Variants in TRABD2A observed in about 807,000 individuals in gnomAD.
TRABD2A encodes TraB domain containing 2A.
In TRABD2A, 43 loss-of-function variants were observed where a neutral mutation model predicts 45.6. The ratio of observed to expected loss-of-function variants is 0.94; its 90% CI spans 0.74 to 1.22. The LOEUF is 1.22. TRABD2A is among the 50% of genes most tolerant of loss of function. The pLI, the probability that TRABD2A is intolerant of heterozygous loss-of-function variation, is 0.00. For missense variants in TRABD2A, 642 were observed against 652.4 expected, an observed-to-expected ratio of 0.98 and a Z score of 0.17; for synonymous variants, 269 against 265.0, an observed-to-expected ratio of 1.02 and a Z score of -0.15.
At chr2:84,869,255 A>G (rs535499657) in intron 2 of TRABD2A, among the ~76,000 whole-genome samples, 11 of 152,346 alleles carry the variant, frequency 7.2e-5, no homozygotes, top group African/African-American at 2.4e-4. Context: ...ACGTGACCCA[A>G]TGAGAACATT....
intron 6 of TRABD2A, among the ~76,000 whole-genome samples, 169 bp downstream of exon 6, chr2:84,823,784 T>C (rs1299610078): frequency 6.6e-6 from 1 of 152,166 alleles, no homozygotes; most frequent in Non-Finnish European, 1.5e-5. Flanking sequence ...ATCTTAAATC[T>C]GGATTCGCTT....
chr2:84,825,708 A>C (rs1681126906), intron 5 of TRABD2A, among the ~76,000 whole-genome samples: 1 of 152,114 alleles, frequency 6.6e-6, no homozygotes, highest in South Asian at 2.1e-4. Flanking sequence ...CAAGCCATGG[A>C]CTAGCACTAG....
At chr2:84,825,508 T>C (rs1157045687) in intron 5 of TRABD2A, among the ~76,000 whole-genome samples, 1 of 152,244 alleles carries the variant, frequency 6.6e-6, no homozygotes, top group Non-Finnish European at 1.5e-5. Flanking sequence ...AGAAGGTTCC[T>C]GGAGGACAGG....
In TRABD2A at chr2:84,870,266, C is replaced by A; in HGVS notation, c.628G>T (p.Glu210Ter). The change falls in exon 2 of 7, where the codon GAA becomes TAA. Residue 210 changes from glutamate (E) to a stop codon, truncating the protein, a stop_gained. Coordinates refer to ENST00000409520, the MANE Select transcript of TRABD2A (RefSeq NM_001277053.2). LOFTEE classifies it high-confidence loss of function. ...RKQTGAVEKV[E>*]EQCHPLNGLN... ...CCATTCAATGGATGGCACTGCTCTT[C>A]CACCTTTTCCACTGCCCCAGTCTGT... 2 of 1,613,932 alleles carry A rather than the reference C, an allele frequency of 1.2e-6. No individual in the cohort carries two copies. Among genetic ancestry groups the A allele is most frequent in the Non-Finnish European group, 1.7e-6 (2 of 1,179,840 alleles).
rs1026478466 is a variant in TRABD2A at position 84,830,347 on chromosome 2, G to A, written c.1082+1708C>T. ...GAAGTAGCGTCAGTAAAGGAGAGGC[G>A]GGGACGGGATGGAGGCTCTTCTGAA... On this transcript the variant is annotated intron_variant, in intron 5 of 6. Transcript: ENST00000409520. The surrounding 1 kb of genome is among the most constrained non-coding windows in gnomAD (Gnocchi z 4.9). Among the ~76,000 whole-genome samples, 9 of 152,164 alleles carry A rather than the reference G, an allele frequency of 5.9e-5. No individual in the cohort carries two copies. The highest frequency in any genetic ancestry group is 2.2e-4 in the African/African-American group (9 of 41,436).
Position 84,824,012 on chromosome 2 carries a change from C to A in TRABD2A, c.1275G>T (p.Arg425=). ...AEQRFRKKRR[R]SQRRPRLRQF... ...GCCGGAGTCGCGGCCTCCGCTGTGA[C>A]CGCCTCCGCTTCTTCCGGAACCTCT... is the stretch of plus-strand genomic sequence containing the variant. Residue 425 remains arginine (R), a synonymous_variant, in exon 6 of 7, where the codon CGG becomes CGT. Transcript: ENST00000409520. 1 of 1,613,802 alleles carries A rather than the reference C, an allele frequency of 6.2e-7. No homozygotes were observed. The highest frequency in any genetic ancestry group is 2.2e-5 in the East Asian group (1 of 44,870).
intron 2 of TRABD2A, among the ~76,000 whole-genome samples, chr2:84,853,923 G>A (rs1682183027): frequency 6.6e-6 from 1 of 152,248 alleles, no homozygotes. Context: ...GGGAGGCTGA[G>A]GCAGAAGAAT....
intron 2 of TRABD2A, among the ~76,000 whole-genome samples, chr2:84,867,592 A>C (rs938254323): frequency 6.6e-6 from 1 of 152,224 alleles, no homozygotes; most frequent in African/African-American, 2.4e-5. Flanking sequence ...AATGGGATCT[A>C]ATTAAACTAA....
At chr2:84,833,906 G>C (rs1260985049) in intron 4 of TRABD2A, 3 of 152,372 alleles carry the variant, frequency 2.0e-5, no homozygotes. Flanking sequence ...CCCACCACGA[G>C]GGCCCACCCA....
Position 84,881,072 on chromosome 2 carries a change from G to C in TRABD2A, c.-33C>G. ...AAGGCGGCTCCGAGGCCCGGAACGC[G>C]GAGGGAAGGAGTAGGGCAGAGGTGG... is the stretch of plus-strand genomic sequence containing the variant. On this transcript the variant is annotated 5_prime_UTR_variant, in exon 1 of 7. Coordinates refer to ENST00000409520, the MANE Select transcript of TRABD2A (RefSeq NM_001277053.2). 6.4e-7 allele frequency: 1 copy of C among 1,552,082 alleles called. No homozygotes were observed. The highest frequency in any genetic ancestry group is 8.7e-7 in the Non-Finnish European group (1 of 1,150,532).
At chr2:84,853,089 T>C (rs1682154601) in intron 2 of TRABD2A, among the ~76,000 whole-genome samples, 1 of 151,612 alleles carries the variant, frequency 6.6e-6, no homozygotes, top group Non-Finnish European at 1.5e-5. Flanking sequence ...TATATTTAAG[T>C]TAAGATCATT....
chr2:84,864,533 CAGG>C (rs1163329630), intron 2 of TRABD2A, among the ~76,000 whole-genome samples: 2 of 152,116 alleles, frequency 1.3e-5, no homozygotes, highest in South Asian at 2.1e-4. Flanking sequence ...GGATTAGAAA[CAGG>C]AGATCTGAGA....
intron 5 of TRABD2A, among the ~76,000 whole-genome samples, chr2:84,831,204 A>G (rs1010938182): frequency 1.5e-4 from 22 of 151,218 alleles, no homozygotes; most frequent in Middle Eastern, 3.4e-3. Flanking sequence ...GAAAAAAAAA[A>G]TGCCATGTGC....
At chr2:84,861,878 T>G (rs1559095182) in intron 2 of TRABD2A, among the ~76,000 whole-genome samples, 1 of 152,254 alleles carries the variant, frequency 6.6e-6, no homozygotes, top group African/African-American at 2.4e-5. Flanking sequence ...CCTGTTAGGA[T>G]TCCTCATTTT....
At chr2:84,823,430 C>A (rs1209334200) in intron 6 of TRABD2A, among the ~76,000 whole-genome samples, 2 of 152,156 alleles carry the variant, frequency 1.3e-5, no homozygotes, top group Non-Finnish European at 2.9e-5. Context: ...ATTCCTGCTC[C>A]CAGCCTCTCT....
At chr2:84,831,912 A>G in intron 5 of TRABD2A, 143 bp downstream of exon 5, 1 of 788,778 alleles carries the variant, frequency 1.3e-6, no homozygotes, top group Non-Finnish European at 2.1e-6. Flanking sequence ...GCTGGTGCCA[A>G]ATGTCCATGT....
intron 6 of TRABD2A, among the ~76,000 whole-genome samples, chr2:84,823,549 C>G (rs1317395916): frequency 6.6e-6 from 1 of 152,158 alleles, no homozygotes; most frequent in Admixed American, 6.5e-5. Flanking sequence ...GGGTCACGAC[C>G]CTTCCCTTAC....
At position 84,839,162 on chromosome 2, in the gene TRABD2A, AAAG is replaced by A; in HGVS notation, c.975_977del (p.Phe326del). Reference sequence around the variant, plus strand: ...CCCACTACTCACCAGCTCCAAAGGCAAAGAAGAAGCCTTTGTCAGGGAACTCCT... The same window carrying A: ...CCCACTACTCACCAGCTCCAAAGGCAAAGAAGCCTTTGTCAGGGAACTCCT... On this transcript the variant is annotated inframe_deletion, in exon 4 of 7. Transcript: ENST00000409520. 3.7e-6 allele frequency: 6 copies of A among 1,613,932 alleles called. No individual in the cohort carries two copies. The highest frequency in any genetic ancestry group is 5.1e-6 in the Non-Finnish European group (6 of 1,179,866).
chr2:84,860,221 A>G (rs1682453814), intron 2 of TRABD2A, among the ~76,000 whole-genome samples: 4 of 152,148 alleles, frequency 2.6e-5, no homozygotes, highest in African/African-American at 9.7e-5. Context: ...GGTCTGTGTT[A>G]TGGGCTGAAC....
Sources: gnomAD v4.1 joint callset for allele counts (sites outside exome capture counted in the v4.1 genomes callset) on GRCh38, gnomAD v4.1.1 for gene constraint, Gnocchi (gnomAD v3.1) non-coding constraint, MANE v1.5 for transcripts, NCBI Gene and HGNC (gene_info 2026-07-23, HGNC 2026-07-21) for gene names.